The following OR2T10 variants were observed in gnomAD, a reference collection of about 807,000 sequenced individuals.
OR2T10 encodes olfactory receptor family 2 subfamily T member 10, also known as olfactory receptor 2T10.
For missense variants in OR2T10, 335 were observed against 382.5 expected, an observed-to-expected ratio of 0.88 and a Z score of 1.04; for synonymous variants, 125 against 141.8, an observed-to-expected ratio of 0.88 and a Z score of 0.84.
At chr1:248,595,708 A>C (rs1660080274) in intron 1 of OR2T10, among the ~76,000 whole-genome samples, 1 of 143,482 alleles carries the variant, frequency 7.0e-6, no homozygotes, top group Non-Finnish European at 1.5e-5. Flanking sequence ...ATTTTCCTGG[A>C]GCAGAAAGTA....
rs937528720 is a variant in OR2T10 at position 248,597,539 on chromosome 1, A to T, written c.-76T>A. 7.0e-6 allele frequency: 1 copy of T among 143,488 alleles called. No homozygotes were observed. The highest frequency in any genetic ancestry group is 1.5e-5 in the Non-Finnish European group (1 of 66,324). 8.9% of individuals were successfully genotyped at this position (143,488 alleles called of 1,614,324 possible). A position where few individuals can be genotyped will look rare whatever the true frequency, so the allele number is the denominator to read the frequency against. On this transcript the variant is annotated 5_prime_UTR_variant, in exon 1 of 2. Coordinates refer to ENST00000642090, the MANE Select transcript of OR2T10 (RefSeq NM_001004693.2). ...TACCCTGAGGAATTTTATTTCCAAT[A>T]AGATACTTCCAGTATAGTCGTCCCG...
intron 1 of OR2T10, among the ~76,000 whole-genome samples, chr1:248,595,573 C>T (rs1033346295): frequency 7.0e-6 from 1 of 142,874 alleles, no homozygotes; most frequent in Non-Finnish European, 1.5e-5. Context: ...TAACAAATTG[C>T]TTTCTTATGT....
chr1:248,593,594 T>C lies in OR2T10; in HGVS notation c.175A>G (p.Met59Val), dbSNP rs139194854. The C allele has an allele frequency of 5.7e-4, 886 of 1,566,104 alleles. 183 individuals carry two copies. The African/African-American group carries it at 0.012, about 21-fold the overall frequency. The change falls in exon 2 of 2, where the codon ATG becomes GTG. Residue 59 changes from methionine (M) to valine (V), a missense_variant. Met to Val is a conservative substitution (Grantham distance 21). Coordinates refer to ENST00000642090, the MANE Select transcript of OR2T10 (RefSeq NM_001004693.2). ...GAGAGCTGGTTTATAAAGAAGTACATGGGAGTATGCAGAGAGGAGTCAATG... is the reference window on the plus strand; with the variant it reads ...GAGAGCTGGTTTATAAAGAAGTACACGGGAGTATGCAGAGAGGAGTCAATG... Reference protein sequence around the residue: ...IHIDSSLHTPMYFFINQLSLI... With the variant: ...IHIDSSLHTPVYFFINQLSLI...
Position 248,593,165 on chromosome 1 carries a change from A to C in OR2T10, c.604T>G (p.Cys202Gly), listed in dbSNP as rs745783658. ...TSLYKIFMYL[C>G]CVIMLLIPVT... ...GGTATCAGGAGCATGATGACACAGC[A>C]CAAGTACATGAAAATCTTGTAAAGT... is the stretch of plus-strand genomic sequence containing the variant. Residue 202 changes from cysteine (C) to glycine (G), a missense_variant, in exon 2 of 2, where the codon TGC (cysteine) becomes GGC (glycine). Coordinates refer to ENST00000642090, the MANE Select transcript of OR2T10 (RefSeq NM_001004693.2). 4.5e-6 allele frequency: 7 copies of C among 1,572,524 alleles called. No homozygotes were observed. The Admixed American group carries it at 1.0e-4, about 23-fold the overall frequency.
In OR2T10 at chr1:248,593,259, T is replaced by C; in HGVS notation, c.510A>G (p.Arg170=). The part of the protein sequence containing the change: ...TPIAMSFPFC[R]SHEIQHFFCE... ...AGAAGAAGTGCTGAATCTCATGGGATCTGCAGAAGGGGAAGCTCATGGCGA... is the reference window on the plus strand; with the variant it reads ...AGAAGAAGTGCTGAATCTCATGGGACCTGCAGAAGGGGAAGCTCATGGCGA... Residue 170 remains arginine (R), a synonymous_variant, in exon 2 of 2, where the codon AGA becomes AGG. Coordinates refer to ENST00000642090, the MANE Select transcript of OR2T10 (RefSeq NM_001004693.2). 6.4e-7 allele frequency: 1 copy of C among 1,573,624 alleles called. No individual in the cohort carries two copies. The highest frequency in any genetic ancestry group is 8.6e-7 in the Non-Finnish European group (1 of 1,157,094).
In OR2T10 at chr1:248,592,704, T is replaced by C; in HGVS notation, c.*126A>G. On this transcript the variant is annotated 3_prime_UTR_variant, in exon 2 of 2. Coordinates refer to ENST00000642090, the MANE Select transcript of OR2T10 (RefSeq NM_001004693.2). ...ATTATAGGAGGGAAGAACACTGGGC[T>C]GAATCCCCCTGAAGGACAACTCAGG... is the stretch of plus-strand genomic sequence containing the variant. The C allele has an allele frequency of 1.7e-6, 1 of 583,556 alleles. No homozygotes were observed. 36.1% of individuals were successfully genotyped at this position (583,556 alleles called of 1,614,324 possible). A position where few individuals can be genotyped will look rare whatever the true frequency, so the allele number is the denominator to read the frequency against.
rs750957100 is a variant in OR2T10 at position 248,593,130 on chromosome 1, G to A, written c.639C>T (p.Val213=). The A allele has an allele frequency of 3.8e-6, 6 of 1,573,002 alleles. 1 individual carries two copies. Among genetic ancestry groups the A allele is most frequent in the South Asian group, 2.3e-5 (2 of 88,866 alleles). ...TGATATAGTAGTAAGACACTGAAAT[G>A]ACCGTCACAGGTATCAGGAGCATGA... The part of the protein sequence containing the change: ...CVIMLLIPVT[V]ISVSYYYIIL... Residue 213 remains valine, a synonymous_variant, in exon 2 of 2, where the codon GTC becomes GTT. Transcript: ENST00000642090.
rs1203299108 is a variant in OR2T10 at position 248,594,660 on chromosome 1, G to A, written c.-28-864C>T. Among the ~76,000 whole-genome samples the A allele has an allele frequency of 3.5e-5, 5 of 143,188 alleles. 2 individuals carry two copies. Among genetic ancestry groups the A allele is most frequent in the Non-Finnish European group, 7.5e-5 (5 of 66,250 alleles). The allele number at this position is 143,188 out of a possible 152,430, so 93.9% of individuals were successfully genotyped here. A position where few individuals can be genotyped will look rare whatever the true frequency, so the allele number is the denominator to read the frequency against. On this transcript the variant is annotated intron_variant, in intron 1 of 1. Coordinates refer to ENST00000642090, the MANE Select transcript of OR2T10 (RefSeq NM_001004693.2). ...TATCATCCAATCAGTTTATTCTGAGGTGATTGGTCTGAACCTCACTTGGAA... is the reference window on the plus strand; with the variant it reads ...TATCATCCAATCAGTTTATTCTGAGATGATTGGTCTGAACCTCACTTGGAA...
rs1490192690 is a variant in OR2T10, at chr1:248,591,993, G to C, written c.*837C>G. 2 of 144,096 alleles carry C rather than the reference G, an allele frequency of 1.4e-5. No homozygotes were observed. Among genetic ancestry groups the C allele is most frequent in the African/African-American group, 5.4e-5 (2 of 36,786 alleles). 8.9% of individuals were successfully genotyped at this position (144,096 alleles called of 1,614,324 possible). On this transcript the variant is annotated 3_prime_UTR_variant, in exon 2 of 2. Transcript: ENST00000642090. ...ATGCACATACGTAAAACTGTGATTT[G>C]AAATTATATTCTAAGTATGTGTCAC...
chr1:248,593,823 A>G lies in OR2T10; in HGVS notation c.-28-27T>C, dbSNP rs1378180040. ...TGGAGGACAAAAGTAAACTTTATTT[A>G]TAATCATGTGTGTACCACGTAAAAG... On this transcript the variant is annotated intron_variant, in intron 1 of 1. Transcript: ENST00000642090. The G allele has an allele frequency of 1.4e-5, 13 of 939,856 alleles. 1 individual carries two copies. Among genetic ancestry groups the G allele is most frequent in the Non-Finnish European group, 2.0e-5 (12 of 613,194 alleles). 58.2% of individuals were successfully genotyped at this position (939,856 alleles called of 1,614,324 possible).
In OR2T10 at chr1:248,590,713, T is replaced by C. The variant is rs1302641196; in HGVS notation, c.*2117A>G. ...AGAAATATAAAAATCTATCATTTTTTCATTTTATAAACTTGTTTTGGCGTT... is the reference window on the plus strand; with the variant it reads ...AGAAATATAAAAATCTATCATTTTTCCATTTTATAAACTTGTTTTGGCGTT... On this transcript the variant is annotated 3_prime_UTR_variant, in exon 2 of 2. Transcript: ENST00000642090. 1 of 143,424 alleles carries C rather than the reference T, an allele frequency of 7.0e-6. No homozygotes were observed. The highest frequency in any genetic ancestry group is 1.5e-5 in the Non-Finnish European group (1 of 66,328). The allele number at this position is 143,424 out of a possible 1,614,324, so 8.9% of individuals were successfully genotyped here.
chr1:248,593,917 G>A (rs1353840139), intron 1 of OR2T10, 121 bp from the exon 2 acceptor site: 5 of 555,132 alleles, frequency 9.0e-6, no homozygotes, highest in Non-Finnish European at 1.6e-5. Context: ...CATGAACTGT[G>A]AATTTGCACT....
Position 248,596,621 on chromosome 1 carries a change from C to T in OR2T10, c.-29+871G>A, listed in dbSNP as rs957421496. ...AGGAAACAAATGACACCAGCACAGA[C>T]GGCCACGCAAGGCAAAAGAACAGCA... On this transcript the variant is annotated intron_variant, in intron 1 of 1. Coordinates refer to ENST00000642090, the MANE Select transcript of OR2T10 (RefSeq NM_001004693.2). 1.0e-4 allele frequency among the ~76,000 whole-genome samples: 15 copies of T among 143,360 alleles called. 3 individuals carry two copies. Among genetic ancestry groups the T allele is most frequent in the South Asian group, 4.4e-4 (2 of 4,546 alleles). 94.0% of individuals were successfully genotyped at this position (143,360 alleles called of 152,430 possible). A position where few individuals can be genotyped will look rare whatever the true frequency, so the allele number is the denominator to read the frequency against.
rs749430136 is a variant in OR2T10 at position 248,591,542 on chromosome 1, C to A, written c.*1288G>T. On this transcript the variant is annotated 3_prime_UTR_variant, in exon 2 of 2. Coordinates refer to ENST00000642090, the MANE Select transcript of OR2T10 (RefSeq NM_001004693.2). ...TTATGTAGTCATGGAAAGTTATCTT[C>A]GTATCCTTGTACTTACAGATAAAAA... The A allele has an allele frequency of 7.0e-6, 1 of 143,656 alleles. No individual in the cohort carries two copies. The highest frequency in any genetic ancestry group is 1.5e-5 in the Non-Finnish European group (1 of 66,338). 8.9% of individuals were successfully genotyped at this position (143,656 alleles called of 1,614,324 possible).
At position 248,591,805 on chromosome 1, in the gene OR2T10, C is replaced by CA. The variant is rs1234426970; in HGVS notation, c.*1024dup. 5 of 143,784 alleles carry CA rather than the reference C, an allele frequency of 3.5e-5. 1 individual carries two copies. Among genetic ancestry groups the CA allele is most frequent in the Admixed American group, 2.0e-4 (3 of 14,776 alleles). 8.9% of individuals were successfully genotyped at this position (143,784 alleles called of 1,614,324 possible). On this transcript the variant is annotated 3_prime_UTR_variant, in exon 2 of 2. Transcript: ENST00000642090. ...TGCACACCCTTTTGTTCATGTTACT[C>CA]AAACCCATGGGTTTCAGTTAAATCA...
rs147402575 is a variant in OR2T10 at position 248,592,648 on chromosome 1, G to T, written c.*182C>A. 2.7e-5 allele frequency: 13 copies of T among 473,598 alleles called. No individual in the cohort carries two copies. The highest frequency in any genetic ancestry group is 1.9e-4 in the South Asian group (6 of 31,502). The allele number at this position is 473,598 out of a possible 1,614,324, so 29.3% of individuals were successfully genotyped here. On this transcript the variant is annotated 3_prime_UTR_variant, in exon 2 of 2. Transcript: ENST00000642090. ...CTAGAGATCAATGCTACGAGGGAAG[G>T]GGGGGATAAGTGAACATCATCTCAA...
In OR2T10 at chr1:248,593,438, C is replaced by A. The variant is rs1336282820; in HGVS notation, c.331G>T (p.Glu111Ter). The change falls in exon 2 of 2, where the codon GAG becomes TAG. Residue 111 changes from glutamate (E) to a stop codon, truncating the protein, a stop_gained. Coordinates refer to ENST00000642090, the MANE Select transcript of OR2T10 (RefSeq NM_001004693.2). LOFTEE classifies it low-confidence loss of function (END_TRUNC). ...GCCATGGCGGCTAGAAGGCAGCACT[C>A]TGCACCTCCCAACTGCAGGTAGAAG... ...MYFYLQLGGA[E>*]CCLLAAMAYD... is the part of the protein sequence containing the mutation. The A allele has an allele frequency of 2.4e-5, 38 of 1,572,132 alleles. 4 individuals carry two copies. Among genetic ancestry groups the A allele is most frequent in the Non-Finnish European group, 3.2e-5 (37 of 1,156,464 alleles).
chr1:248,595,418 AGAAT>A (rs1660076597), intron 1 of OR2T10, among the ~76,000 whole-genome samples: 1 of 143,622 alleles, frequency 7.0e-6, no homozygotes, highest in Non-Finnish European at 1.5e-5. Flanking sequence ...TTTATAAATA[AGAAT>A]TATTGCAATT....
In OR2T10 at chr1:248,594,457, AATGT is replaced by A. The variant is rs1210759021; in HGVS notation, c.-28-665_-28-662del. Among the ~76,000 whole-genome samples, 5 of 143,948 alleles carry A rather than the reference AATGT, an allele frequency of 3.5e-5. 1 individual carries two copies. Among genetic ancestry groups the A allele is most frequent in the Admixed American group, 6.8e-5 (1 of 14,760 alleles). The allele number at this position is 143,948 out of a possible 152,430, so 94.4% of individuals were successfully genotyped here. On this transcript the variant is annotated intron_variant, in intron 1 of 1. Transcript: ENST00000642090. ...ACTTTTACACATATGTGATTTATAA[AATGT>A]ATTTTTATACTTCCACTTAACCTAT...
Sources: allele counts gnomAD v4.1 joint callset (sites outside exome capture counted in the v4.1 genomes callset), GRCh38; gene constraint gnomAD v4.1.1; transcripts MANE v1.5; gene names NCBI Gene and HGNC (gene_info 2026-07-23, HGNC 2026-07-21).